The following GPR158 variants were observed in gnomAD, a reference collection of about 807,000 sequenced individuals.
GPR158 encodes the protein metabotropic glycine receptor.
In GPR158, 30 loss-of-function variants were observed where a neutral mutation model predicts 78.2. That is an observed-to-expected ratio of 0.38 (90% CI 0.29 to 0.52). The LOEUF (loss-of-function observed/expected upper bound fraction) is 0.52, where lower values mean the gene tolerates loss of function less well. GPR158 is among the 20% of genes least tolerant of loss of function. The pLI is 0.83. For synonymous variants in GPR158, 581 were observed against 591.1 expected (o/e 0.98, Z 0.25); for missense variants, 1,463 against 1,523.5 (o/e 0.96, Z 0.66).
chr10:25,465,036 GT>G (rs1017747624), intron 4 of GPR158, among the ~76,000 whole-genome samples: 3 of 151,266 alleles, frequency 2.0e-5, no homozygotes, highest in Non-Finnish European at 2.9e-5. Flanking sequence ...CAAGCCCTGA[GT>G]TTTTTTTTGA....
chr10:25,193,251 G>A (rs1007555570), intron 1 of GPR158, among the ~76,000 whole-genome samples: 7 of 152,244 alleles, frequency 4.6e-5, no homozygotes, highest in Middle Eastern at 3.4e-3. Context: ...ATAGAACCAA[G>A]TGCTATAAGG....
chr10:25,336,828 A>G (rs1201331658), intron 2 of GPR158, among the ~76,000 whole-genome samples: 2 of 152,114 alleles, frequency 1.3e-5, no homozygotes, highest in Admixed American at 6.6e-5. Flanking sequence ...GCAATTAATT[A>G]ACCAACCTTG....
Position 25,433,690 on chromosome 10 carries a change from C to CTTTTTTTTTTT in GPR158, c.1335+21220_1335+21221insTTTTTTTTTTT, listed in dbSNP as rs776105443. 6.0e-4 allele frequency among the ~76,000 whole-genome samples: 56 copies of CTTTTTTTTTTT among 93,214 alleles called. 1 individual carries two copies. The highest frequency in any genetic ancestry group is 8.6e-3 in the Middle Eastern group (1 of 116). 61.2% of individuals were successfully genotyped at this position (93,214 alleles called of 152,430 possible). A position where few individuals can be genotyped will look rare whatever the true frequency, so the allele number is the denominator to read the frequency against. The stretch of plus-strand genomic sequence containing the variant: ...GGCATTTTCCTTTCTTTCTTTCTTT[C>CTTTTTTTTTTT]TTTCTTTTTTTTTTTTTTTTTGGTA... On this transcript the variant is annotated intron_variant, in intron 4 of 10. Transcript: ENST00000376351.
intron 2 of GPR158, among the ~76,000 whole-genome samples, chr10:25,364,299 A>G (rs958642782): frequency 1.3e-5 from 2 of 151,888 alleles, no homozygotes; most frequent in African/African-American, 4.8e-5. Flanking sequence ...CACATTAAAG[A>G]ATGTCATGAC....
At chr10:25,209,005 C>T (rs1238853258) in intron 1 of GPR158, among the ~76,000 whole-genome samples, 5 of 151,924 alleles carry the variant, frequency 3.3e-5, no homozygotes, top group Non-Finnish European at 7.4e-5. Context: ...CGTGCCACCA[C>T]ACCCGGCTAA....
intron 2 of GPR158, among the ~76,000 whole-genome samples, chr10:25,336,392 G>A (rs509285): frequency 0.6 from 91,199 of 151,780 alleles, 29,341 homozygotes; most frequent in Non-Finnish European, 0.74. Context: ...TGTTATAGCA[G>A]GTGTTTTTGG....
intron 5 of GPR158, among the ~76,000 whole-genome samples, chr10:25,516,146 T>A (rs1477718605): frequency 1.3e-5 from 2 of 152,026 alleles, no homozygotes; most frequent in Admixed American, 1.3e-4. Context: ...TTTCATGTGT[T>A]TTTTGGCTGC....
chr10:25,492,009 G>T (rs1488490300), intron 5 of GPR158, among the ~76,000 whole-genome samples: 1 of 152,166 alleles, frequency 6.6e-6, no homozygotes, highest in Non-Finnish European at 1.5e-5. Context: ...TCATGGTTCT[G>T]CAGGCTGTAC....
intron 6 of GPR158, among the ~76,000 whole-genome samples, chr10:25,567,266 C>G (rs528919044): frequency 2.0e-5 from 3 of 152,302 alleles, no homozygotes; most frequent in South Asian, 2.1e-4. Flanking sequence ...ATCTACCTGG[C>G]AGGCTAAAGC....
chr10:25,544,398 ATTAG>A (rs1836631861), intron 5 of GPR158, among the ~76,000 whole-genome samples: 1 of 152,152 alleles, frequency 6.6e-6, no homozygotes, highest in Non-Finnish European at 1.5e-5. Flanking sequence ...CCATGGGCAA[ATTAG>A]TTAATCCCAT....
At chr10:25,556,123 G>T (rs1223022804) in intron 6 of GPR158, among the ~76,000 whole-genome samples, 1 of 152,188 alleles carries the variant, frequency 6.6e-6, no homozygotes, top group African/African-American at 2.4e-5. Context: ...CTGAAGTGCA[G>T]TTATTCGACT....
intron 1 of GPR158, among the ~76,000 whole-genome samples, chr10:25,195,063 T>G (rs1214328310): frequency 6.6e-6 from 1 of 152,142 alleles, no homozygotes; most frequent in Non-Finnish European, 1.5e-5. Context: ...CTAGATCACT[T>G]GCTTAAAACC....
intron 5 of GPR158, among the ~76,000 whole-genome samples, chr10:25,526,118 A>G (rs898484170): frequency 1.3e-5 from 2 of 151,026 alleles, no homozygotes; most frequent in African/African-American, 4.8e-5. Flanking sequence ...AAAAAAAAAA[A>G]AAAAAAAAAA....
chr10:25,226,137 C>T (rs1044503895), intron 2 of GPR158, among the ~76,000 whole-genome samples: 7 of 152,120 alleles, frequency 4.6e-5, no homozygotes, highest in African/African-American at 1.7e-4. Flanking sequence ...TACTATTGTT[C>T]ACCTATCTCT....
chr10:25,238,647 C>T (rs753440376), intron 2 of GPR158, among the ~76,000 whole-genome samples: 5 of 152,220 alleles, frequency 3.3e-5, no homozygotes, highest in East Asian at 1.9e-4. Context: ...CTTTCTAGCT[C>T]GCCTAGTTCT....
chr10:25,482,099 G>A (rs1835669842), intron 5 of GPR158, among the ~76,000 whole-genome samples: 1 of 152,062 alleles, frequency 6.6e-6, no homozygotes, highest in African/African-American at 2.4e-5. Flanking sequence ...AAGATGACAT[G>A]TCTCTAAATC....
chr10:25,246,772 A>C (rs1200441561), intron 2 of GPR158, among the ~76,000 whole-genome samples: 1 of 152,194 alleles, frequency 6.6e-6, no homozygotes, highest in African/African-American at 2.4e-5. Flanking sequence ...TTAAAGAGTC[A>C]CTGCTTTATG....
intron 4 of GPR158, among the ~76,000 whole-genome samples, chr10:25,453,594 G>A (rs984435892): frequency 1.3e-5 from 2 of 152,064 alleles, no homozygotes; most frequent in Non-Finnish European, 2.9e-5. Context: ...GGATTTCTGT[G>A]TATGTGTATT....
intron 6 of GPR158, among the ~76,000 whole-genome samples, chr10:25,557,766 A>C (rs993403480): frequency 1.3e-5 from 2 of 152,240 alleles, no homozygotes; most frequent in African/African-American, 4.8e-5. Flanking sequence ...TATTAACTAG[A>C]GGTCTGTATT....
Sources: allele counts gnomAD v4.1 joint callset (sites outside exome capture counted in the v4.1 genomes callset), GRCh38; gene constraint gnomAD v4.1.1; transcripts MANE v1.5; gene names NCBI Gene and HGNC (gene_info 2026-07-23, HGNC 2026-07-21).